The following NFU1 variants were observed in gnomAD, a reference collection of about 807,000 sequenced individuals.
NFU1 encodes NFU1 iron-sulfur cluster scaffold.
A neutral mutation model predicts 32.2 loss-of-function variants in NFU1; 30 were observed. That is an observed-to-expected ratio of 0.93 (90% CI 0.70 to 1.26). The LOEUF is 1.26. Among genes scored for constraint, NFU1 ranks in the 50% most tolerant of loss-of-function variants. The probability of loss-of-function intolerance (pLI) is 0.00; values close to 1 mark genes in which losing one functional copy is unlikely to be tolerated. For synonymous variants in NFU1, 112 were observed against 104.6 expected, an observed-to-expected ratio of 1.07 and a Z score of -0.43; for missense variants, 306 against 306.6, an observed-to-expected ratio of 1.00 and a Z score of 0.02.
At chr2:69,429,113 A>T (rs1228675300) in intron 2 of NFU1, among the ~76,000 whole-genome samples, 1 of 152,200 alleles carries the variant, frequency 6.6e-6, no homozygotes, top group African/African-American at 2.4e-5. Flanking sequence ...TTATAAGGGA[A>T]TGATTTTTCA....
At chr2:69,407,072 G>C (rs1465036422) in intron 5 of NFU1, among the ~76,000 whole-genome samples, 1 of 152,114 alleles carries the variant, frequency 6.6e-6, no homozygotes, top group East Asian at 1.9e-4. Context: ...ATGCTGAACT[G>C]TGAGTCAATT....
chr2:69,422,700 C>T (rs1483381242), intron 3 of NFU1, among the ~76,000 whole-genome samples: 1 of 151,616 alleles, frequency 6.6e-6, no homozygotes, highest in African/African-American at 2.4e-5. Context: ...TTTTTAATAT[C>T]AACTCTCATT....
At chr2:69,423,494 A>T (rs1673335119) in intron 3 of NFU1, 88 bp downstream of exon 3, 9 of 1,217,332 alleles carry the variant, frequency 7.4e-6, no homozygotes, top group Non-Finnish European at 1.1e-5. Context: ...GCACATAGAA[A>T]TGCAATAGTT....
intron 7 of NFU1, among the ~76,000 whole-genome samples, chr2:69,397,352 T>C (rs1452988403): frequency 6.6e-6 from 1 of 152,174 alleles, no homozygotes; most frequent in East Asian, 1.9e-4. Flanking sequence ...ACAGCTATTA[T>C]CTTTCCATGA....
In NFU1 at chr2:69,416,373, A is replaced by ATT. The variant is rs1415476877; in HGVS notation, c.370-1075_370-1074insAA. ...ATATAATTATTAATATATTAGTAAT[A>ATT]ATATTATTATTAATTCATTCACTTT... On this transcript the variant is annotated intron_variant, in intron 4 of 7. Coordinates refer to ENST00000410022, the MANE Select transcript of NFU1 (RefSeq NM_001002755.4). Among the ~76,000 whole-genome samples, 7 of 131,048 alleles carry ATT rather than the reference A, an allele frequency of 5.3e-5. 1 individual carries two copies. Among genetic ancestry groups the ATT allele is most frequent in the Admixed American group, 2.8e-4 (4 of 14,060 alleles). The allele number at this position is 131,048 out of a possible 152,430, so 86.0% of individuals were successfully genotyped here.
chr2:69,428,893 T>C (rs532662125), intron 2 of NFU1, among the ~76,000 whole-genome samples: 1 of 152,250 alleles, frequency 6.6e-6, no homozygotes, highest in Non-Finnish European at 1.5e-5. Context: ...GCCATTTTTG[T>C]ACTTTGCCAT....
chr2:69,418,541 A>T (rs1051808254), intron 4 of NFU1, among the ~76,000 whole-genome samples: 10 of 151,896 alleles, frequency 6.6e-5, no homozygotes, highest in Non-Finnish European at 1.5e-4. Flanking sequence ...ATCTCCGCTC[A>T]CTGCAAGCTC....
intron 1 of NFU1, among the ~76,000 whole-genome samples, chr2:69,432,543 C>T (rs940222001): frequency 3.3e-5 from 5 of 151,798 alleles, no homozygotes; most frequent in Admixed American, 2.0e-4. Flanking sequence ...CATTGCACTC[C>T]AGCCTGGGCA....
chr2:69,416,876 C>T (rs745575774), intron 4 of NFU1, among the ~76,000 whole-genome samples: 3 of 151,822 alleles, frequency 2.0e-5, no homozygotes, highest in Non-Finnish European at 2.9e-5. Context: ...CCAGCCTGGG[C>T]GACGGAGTGA....
upstream of NFU1, among the ~76,000 whole-genome samples, chr2:69,438,337 A>G (rs1033647109): frequency 4.0e-5 from 6 of 151,256 alleles, no homozygotes; most frequent in African/African-American, 1.5e-4. Context: ...ACCAAAACCA[A>G]CTCCTGGGCT....
intron 6 of NFU1, 144 bp downstream of exon 6, chr2:69,405,878 T>C: frequency 1.6e-6 from 1 of 620,746 alleles, no homozygotes. Context: ...TTAAATTCAA[T>C]TGTCACGGCT....
At chr2:69,432,300 T>C (rs1280998546) in intron 1 of NFU1, among the ~76,000 whole-genome samples, 3 of 152,072 alleles carry the variant, frequency 2.0e-5, no homozygotes, top group African/African-American at 7.2e-5. Flanking sequence ...TTGGGCTGGG[T>C]GAGGTGGCTC....
intron 6 of NFU1, among the ~76,000 whole-genome samples, chr2:69,405,326 C>T (rs1672662673): frequency 6.6e-6 from 1 of 152,150 alleles, no homozygotes; most frequent in South Asian, 2.1e-4. Flanking sequence ...TCATTGGTAA[C>T]CCAGAATTTT....
chr2:69,405,178 CGAGGCTGTAGT>C (rs1344648338), intron 6 of NFU1, among the ~76,000 whole-genome samples: 1 of 151,960 alleles, frequency 6.6e-6, no homozygotes, highest in East Asian at 1.9e-4. Context: ...ACCCGGGAGG[CGAGGCTGTAGT>C]GAGCTGAGAT....
At chr2:69,436,837 T>A (rs1574160653) in intron 1 of NFU1, among the ~76,000 whole-genome samples, 1 of 150,622 alleles carries the variant, frequency 6.6e-6, no homozygotes, top group African/African-American at 2.4e-5. Flanking sequence ...TGGTGGTGGG[T>A]GCAGGGAATC....
intron 3 of NFU1, among the ~76,000 whole-genome samples, chr2:69,423,236 CTGTGTGAGTGTGTGTG>C (rs1303947706): frequency 9.7e-5 from 8 of 82,804 alleles, no homozygotes; most frequent in South Asian, 4.4e-4. Context: ...GATGGGCTCT[CTGTGTGAGTGTGTGTG>C]TGTGTGTGTG....
At chr2:69,414,796 T>C (rs1673000017) in intron 5 of NFU1, among the ~76,000 whole-genome samples, 1 of 152,050 alleles carries the variant, frequency 6.6e-6, no homozygotes, top group African/African-American at 2.4e-5. Context: ...TTCTTTTTTT[T>C]ACTTTATGCT....
Position 69,419,398 on chromosome 2 carries a change from C to G in NFU1, c.369+140G>C, listed in dbSNP as rs191025221. On this transcript the variant is annotated intron_variant, in intron 4 of 7. Transcript: ENST00000410022. ...CTTGATTCTTGTGACATTTAGAGGA[C>G]AAGAGAGTAAGACCCTGTCTCAAAA... The G allele has an allele frequency of 8.2e-4, 504 of 613,616 alleles. 1 individual carries two copies. The highest frequency in any genetic ancestry group is 1.9e-3 in the Middle Eastern group (7 of 3,662). 38.0% of individuals were successfully genotyped at this position (613,616 alleles called of 1,614,324 possible).
chr2:69,408,777 CACAT>C (rs1382103509), intron 5 of NFU1, among the ~76,000 whole-genome samples: 4 of 142,088 alleles, frequency 2.8e-5, no homozygotes, highest in South Asian at 4.4e-4. Flanking sequence ...TATACACACA[CACAT>C]ACATACATCA....
Sources: allele counts gnomAD v4.1 joint callset (sites outside exome capture counted in the v4.1 genomes callset), GRCh38; gene constraint gnomAD v4.1.1; transcripts MANE v1.5; gene names NCBI Gene and HGNC (gene_info 2026-07-23, HGNC 2026-07-21).